ZMAT4: variants seen among roughly 807,000 people sequenced by gnomAD.
ZMAT4 encodes the protein zinc finger matrin-type protein 4.
A neutral mutation model predicts 28.7 loss-of-function variants in ZMAT4; 17 were observed. The ratio of observed to expected loss-of-function variants is 0.59; its 90% CI spans 0.41 to 0.89. The LOEUF is 0.89. Among genes scored for constraint, ZMAT4 ranks in the 40% least tolerant of loss-of-function variants. The pLI, the probability that ZMAT4 is intolerant of heterozygous loss-of-function variation, is 0.00. For missense variants in ZMAT4, 240 were observed against 283.8 expected (o/e 0.85, Z 1.11); for synonymous variants, 117 against 109.2 (o/e 1.07, Z -0.44).
intron 5 of ZMAT4, among the ~76,000 whole-genome samples, chr8:40,611,069 C>G (rs1254707083): frequency 6.6e-6 from 1 of 151,996 alleles, no homozygotes; most frequent in Non-Finnish European, 1.5e-5. Context: ...GTTCCTTTTG[C>G]AAATGCAAAA....
chr8:40,555,991 C>T (rs1049045098), intron 6 of ZMAT4, among the ~76,000 whole-genome samples: 2 of 152,136 alleles, frequency 1.3e-5, no homozygotes, highest in African/African-American at 4.8e-5. Flanking sequence ...TTCTCCTTTG[C>T]GTTTGACTGC....
At chr8:40,644,498 A>G (rs1807209368) in intron 5 of ZMAT4, among the ~76,000 whole-genome samples, 1 of 151,980 alleles carries the variant, frequency 6.6e-6, no homozygotes, top group African/African-American at 2.4e-5. Context: ...TTTGAACAAT[A>G]AAATAATCAC....
chr8:40,643,936 C>A (rs1807178291), intron 5 of ZMAT4, among the ~76,000 whole-genome samples: 1 of 151,964 alleles, frequency 6.6e-6, no homozygotes, highest in African/African-American at 2.4e-5. Flanking sequence ...AAAATAGAAA[C>A]CAGAAACCAG....
chr8:40,667,050 AAAAGAAATGT>A (rs993841239), intron 5 of ZMAT4, among the ~76,000 whole-genome samples: 16 of 152,038 alleles, frequency 1.1e-4, no homozygotes, highest in Middle Eastern at 3.2e-3. Context: ...ATTTGTAGTC[AAAAGAAATGT>A]AAAGAAATGT....
intron 1 of ZMAT4, among the ~76,000 whole-genome samples, chr8:40,869,256 C>A (rs914156798): frequency 4.6e-5 from 7 of 152,176 alleles, no homozygotes; most frequent in African/African-American, 1.7e-4. Flanking sequence ...TACACCACCT[C>A]GAGTCTGCAT....
chr8:40,674,208 C>T (rs1392572793), intron 5 of ZMAT4, among the ~76,000 whole-genome samples: 1 of 150,852 alleles, frequency 6.6e-6, no homozygotes, highest in Non-Finnish European at 1.5e-5. Flanking sequence ...GATTCTCCTG[C>T]CTCAGCCTCC....
chr8:40,769,191 T>C (rs965250434), intron 2 of ZMAT4, among the ~76,000 whole-genome samples: 6 of 152,196 alleles, frequency 3.9e-5, no homozygotes, highest in Admixed American at 2.6e-4. Context: ...TAGAAATATA[T>C]TGTCAACACT....
chr8:40,649,275 C>T (rs1807511654), intron 5 of ZMAT4, among the ~76,000 whole-genome samples: 1 of 152,000 alleles, frequency 6.6e-6, no homozygotes, highest in South Asian at 2.1e-4. Flanking sequence ...GGTTGCAATC[C>T]TAGTCTCTGA....
intron 3 of ZMAT4, among the ~76,000 whole-genome samples, chr8:40,751,320 C>A (rs1812443588): frequency 6.6e-6 from 1 of 152,042 alleles, no homozygotes; most frequent in African/African-American, 2.4e-5. Flanking sequence ...TCTGGTGAGG[C>A]CTCGGGAAGC....
chr8:40,811,483 A>T (rs1237535341), intron 2 of ZMAT4, among the ~76,000 whole-genome samples: 1 of 152,212 alleles, frequency 6.6e-6, no homozygotes, highest in African/African-American at 2.4e-5. Context: ...GGAGGCATTC[A>T]CAAGACTGGG....
chr8:40,889,373 C>T (rs947292373), intron 1 of ZMAT4, among the ~76,000 whole-genome samples: 4 of 152,182 alleles, frequency 2.6e-5, no homozygotes, highest in African/African-American at 7.2e-5. Flanking sequence ...TGAACAGCAT[C>T]GCACCCAGCT....
intron 5 of ZMAT4, among the ~76,000 whole-genome samples, chr8:40,589,761 T>TTTCTTTCTTTCTTTCTTTCTTTCTTTCC (rs1563353958): frequency 5.3e-4 from 28 of 52,870 alleles, no homozygotes; most frequent in Admixed American, 1.1e-3. Flanking sequence ...TCTTTCTTTC[T>TTTCTTTCTTTCTTTCTTTCTTTCTTTCC]TTTTCTTTCT....
intron 6 of ZMAT4, among the ~76,000 whole-genome samples, chr8:40,572,099 A>G (rs1804117886): frequency 1.3e-5 from 2 of 152,168 alleles, no homozygotes; most frequent in African/African-American, 2.4e-5. Context: ...TATTAAATAT[A>G]GAAGGTTCTT....
chr8:40,632,133 T>C (rs915018830), intron 5 of ZMAT4, among the ~76,000 whole-genome samples: 1 of 152,198 alleles, frequency 6.6e-6, no homozygotes, highest in Non-Finnish European at 1.5e-5. Flanking sequence ...TTGAACAGAC[T>C]GGGCTGAGAA....
At chr8:40,683,384 T>C (rs1272992089) in intron 4 of ZMAT4, among the ~76,000 whole-genome samples, 2 of 152,228 alleles carry the variant, frequency 1.3e-5, no homozygotes, top group African/African-American at 2.4e-5. Flanking sequence ...TCTCCGGTTA[T>C]GGCCACAGTT....
chr8:40,607,448 T>A (rs1009440221), intron 5 of ZMAT4, among the ~76,000 whole-genome samples: 1 of 152,110 alleles, frequency 6.6e-6, no homozygotes, highest in African/African-American at 2.4e-5. Context: ...GTATCCTTTT[T>A]AAAATTATTT....
In ZMAT4 at chr8:40,758,731, T is replaced by TTTATTTATTTA. The variant is rs1425827263; in HGVS notation, c.192+8909_192+8910insTAAATAAATAA. 6.2e-4 allele frequency among the ~76,000 whole-genome samples: 95 copies of TTTATTTATTTA among 152,184 alleles called. No individual in the cohort carries two copies. The South Asian group carries it at 0.019, about 30-fold the overall frequency. ...AATGGATCTTGGGAATAAATAGGAT[T>TTTATTTATTTA]TTGACCCTTCAGAGTTGGATGGTGA... On this transcript the variant is annotated intron_variant, in intron 3 of 6. Coordinates refer to ENST00000297737, the MANE Select transcript of ZMAT4 (RefSeq NM_024645.3).
At chr8:40,808,100 T>C (rs758554599) in intron 2 of ZMAT4, among the ~76,000 whole-genome samples, 11 of 152,242 alleles carry the variant, frequency 7.2e-5, no homozygotes, top group Non-Finnish European at 1.3e-4. Context: ...TGGATTTTGA[T>C]AGGGTACAGG....
chr8:40,868,967 C>T (rs942788566), intron 1 of ZMAT4, among the ~76,000 whole-genome samples: 1 of 152,246 alleles, frequency 6.6e-6, no homozygotes, highest in Non-Finnish European at 1.5e-5. Context: ...AGTGCCCCTT[C>T]CTGATCTCAC....
Sources: allele counts gnomAD v4.1 joint callset (sites outside exome capture counted in the v4.1 genomes callset), GRCh38; gene constraint gnomAD v4.1.1; transcripts MANE v1.5; gene names NCBI Gene and HGNC (gene_info 2026-07-23, HGNC 2026-07-21).